The following ORMDL3 variants were observed in gnomAD, a reference collection of about 807,000 sequenced individuals.
The protein encoded by ORMDL3 is ORMDL sphingolipid biosynthesis regulator 3.
A neutral mutation model predicts 12.6 loss-of-function variants in ORMDL3; 6 were observed. That is an observed-to-expected ratio of 0.48 (90% CI 0.26 to 0.94). The LOEUF (loss-of-function observed/expected upper bound fraction) is 0.94, where lower values mean the gene tolerates loss of function less well. Among genes scored for constraint, ORMDL3 ranks in the 40% least tolerant of loss-of-function variants. The probability of loss-of-function intolerance (pLI) is 0.14; values close to 1 mark genes in which losing one functional copy is unlikely to be tolerated. For synonymous variants in ORMDL3, 99 were observed against 87.2 expected (o/e 1.14, Z -0.75); for missense variants, 159 against 205.5 (o/e 0.77, Z 1.38).
At chr17:39,927,399 A>G in intron 1 of ORMDL3, 85 bp downstream of exon 1, 1 of 952,408 alleles carries the variant, frequency 1.0e-6, no homozygotes, top group Non-Finnish European at 1.2e-6. Context: ...CCGTCTCTCC[A>G]GCCCGGGGCG....
At position 39,921,455 on chromosome 17, in the gene ORMDL3, C is replaced by T. The variant is rs1978295036; in HGVS notation, c.*1095G>A. 1 of 152,428 alleles carries T rather than the reference C, an allele frequency of 6.6e-6. No homozygotes were observed. The highest frequency in any genetic ancestry group is 1.5e-5 in the Non-Finnish European group (1 of 68,128). The allele number at this position is 152,428 out of a possible 1,614,324, so 9.4% of individuals were successfully genotyped here. ...CACATGGGGTGGCCTCACAACGCCA[C>T]ATGTGGCTGCCACATGAGAGGCCCT... is the stretch of plus-strand genomic sequence containing the variant. On this transcript the variant is annotated 3_prime_UTR_variant, in exon 4 of 4. Coordinates refer to ENST00000304046, the MANE Select transcript of ORMDL3 (RefSeq NM_139280.4).
intron 2 of ORMDL3, 47 bp from the exon 3 acceptor site, chr17:39,923,310 C>T (rs1190329351): frequency 6.3e-7 from 1 of 1,596,048 alleles, no homozygotes; most frequent in Non-Finnish European, 8.6e-7. Flanking sequence ...GAAAGGCCCC[C>T]CTGCCCAGCT....
At chr17:39,926,894 CA>C in intron 1 of ORMDL3, 1 of 986,290 alleles carries the variant, frequency 1.0e-6, no homozygotes, top group Non-Finnish European at 1.2e-6. Context: ...GGCAGCACGT[CA>C]CAATGCCATG....
chr17:39,922,744 T>C, intron 3 of ORMDL3, 59 bp from the exon 4 acceptor site: 39 of 1,565,722 alleles, frequency 2.5e-5, no homozygotes, highest in Non-Finnish European at 3.3e-5. Context: ...CCTTCCTCCC[T>C]CACTTCCTGG....
chr17:39,924,913 G>T (rs1485306015), intron 1 of ORMDL3: 3 of 152,292 alleles, frequency 2.0e-5, no homozygotes, highest in Non-Finnish European at 4.4e-5. Context: ...CCCCTCCTGG[G>T]TGACACAAAA....
intron 1 of ORMDL3, chr17:39,926,962 G>C: frequency 1.0e-6 from 1 of 985,712 alleles, no homozygotes; most frequent in Non-Finnish European, 1.2e-6. Flanking sequence ...CTCAACTTTG[G>C]CCCAGCCACC....
intron 2 of ORMDL3, 128 bp downstream of exon 2, chr17:39,923,902 G>T: frequency 1.0e-6 from 1 of 961,034 alleles, no homozygotes; most frequent in Non-Finnish European, 1.5e-6. Flanking sequence ...TCTGGAGGCA[G>T]ATGTCGTCAG....
Position 39,922,512 on chromosome 17 carries a change from C to T in ORMDL3, c.*38G>A, listed in dbSNP as rs776362559. On this transcript the variant is annotated 3_prime_UTR_variant, in exon 4 of 4. Coordinates refer to ENST00000304046, the MANE Select transcript of ORMDL3 (RefSeq NM_139280.4). ...GCAGCACATGCCTTTTACCCTACCC[C>T]TCCCCTGCCACCCTGGGCAGGGGAA... 84 of 1,596,742 alleles carry T rather than the reference C, an allele frequency of 5.3e-5. 1 individual carries two copies. Among genetic ancestry groups the T allele is most frequent in the South Asian group, 6.7e-5 (6 of 89,092 alleles).
In ORMDL3 at chr17:39,924,190, G is replaced by A; in HGVS notation, c.14C>T (p.Thr5Ile). 6.2e-7 allele frequency: 1 copy of A among 1,608,494 alleles called. No individual in the cohort carries two copies. Residue 5 changes from threonine to isoleucine, a missense_variant, in exon 2 of 4, where the codon ACA becomes ATA. Coordinates refer to ENST00000304046, the MANE Select transcript of ORMDL3 (RefSeq NM_139280.4). ...GTTGGGGTTCACCTCGCTGTGCGCT[G>A]TGCCCACATTCATCCTGCTGCCCCT... MNVG[T>I]AHSEVNPNTR...
intron 1 of ORMDL3, chr17:39,926,685 T>G: frequency 1.4e-6 from 1 of 716,966 alleles, no homozygotes; most frequent in Non-Finnish European, 1.7e-6. Context: ...CCCTCTTGGC[T>G]CCACATACAA....
chr17:39,927,597 G>C lies in ORMDL3; in HGVS notation c.-136C>G, dbSNP rs914798657. 3 of 985,786 alleles carry C rather than the reference G, an allele frequency of 3.0e-6. No individual in the cohort carries two copies. The highest frequency in any genetic ancestry group is 1.2e-4 in the Admixed American group (2 of 16,284). 61.1% of individuals were successfully genotyped at this position (985,786 alleles called of 1,614,324 possible). Reference sequence around the variant, plus strand: ...AGCCTCCCCGCTGGCAGCTCCGGCCGAATCAGCGCTCCGCGCCGGTCCCCG... The same window carrying C: ...AGCCTCCCCGCTGGCAGCTCCGGCCCAATCAGCGCTCCGCGCCGGTCCCCG... On this transcript the variant is annotated 5_prime_UTR_variant, in exon 1 of 4. Transcript: ENST00000304046.
chr17:39,924,919 C>T (rs925423626), intron 1 of ORMDL3: 1 of 152,156 alleles, frequency 6.6e-6, no homozygotes, highest in African/African-American at 2.4e-5. Context: ...CTGGGTGACA[C>T]AAAACAACCC....
At chr17:39,923,831 G>A (rs1978318290) in intron 2 of ORMDL3, among the ~76,000 whole-genome samples, 199 bp downstream of exon 2, 1 of 151,992 alleles carries the variant, frequency 6.6e-6, no homozygotes, top group Admixed American at 6.5e-5. Context: ...TCCTGTCATG[G>A]TACACAGGGC....
rs371773587 is a variant in ORMDL3, at chr17:39,922,541, G to A, written c.*9C>T. ...CCTGCCACCCTGGGCAGGGGAAGGG[G>A]CTGCACTCTCAGTACTTATTGATTC... On this transcript the variant is annotated 3_prime_UTR_variant, in exon 4 of 4. Transcript: ENST00000304046. 6.2e-6 allele frequency: 10 copies of A among 1,613,276 alleles called. No individual in the cohort carries two copies. The East Asian group carries it at 1.1e-4, about 18-fold the overall frequency.
chr17:39,922,521 C>T lies in ORMDL3; in HGVS notation c.*29G>A, dbSNP rs1327210025. 2 of 1,604,950 alleles carry T rather than the reference C, an allele frequency of 1.2e-6. No homozygotes were observed. Among genetic ancestry groups the T allele is most frequent in the Non-Finnish European group, 1.7e-6 (2 of 1,176,516 alleles). On this transcript the variant is annotated 3_prime_UTR_variant, in exon 4 of 4. Transcript: ENST00000304046. ...GCCTTTTACCCTACCCCTCCCCTGCCACCCTGGGCAGGGGAAGGGGCTGCA... is the reference window on the plus strand; with the variant it reads ...GCCTTTTACCCTACCCCTCCCCTGCTACCCTGGGCAGGGGAAGGGGCTGCA...
At chr17:39,923,430 GAGA>G (rs1229711623) in intron 2 of ORMDL3, among the ~76,000 whole-genome samples, 167 bp from the exon 3 acceptor site, 1 of 152,116 alleles carries the variant, frequency 6.6e-6, no homozygotes, top group East Asian at 1.9e-4. Context: ...AGTATGGCAG[GAGA>G]AGAACAAGGG....
intron 1 of ORMDL3, chr17:39,926,718 C>A (rs1978446709): frequency 2.2e-6 from 2 of 910,468 alleles, no homozygotes; most frequent in Non-Finnish European, 1.3e-6. Context: ...AGCCAGTATG[C>A]CAGACACTCA....
intron 2 of ORMDL3, 46 bp downstream of exon 2, chr17:39,923,984 A>T: frequency 6.5e-7 from 1 of 1,530,870 alleles, no homozygotes; most frequent in Non-Finnish European, 8.8e-7. Context: ...AGGGCAGCCC[A>T]CAGGGCAGGG....
At position 39,924,163 on chromosome 17, in the gene ORMDL3, G is replaced by T. The variant is rs767336401; in HGVS notation, c.41C>A (p.Thr14Lys). The T allele has an allele frequency of 2.5e-6, 4 of 1,613,664 alleles. No homozygotes were observed. The South Asian group carries it at 4.4e-5, about 18-fold the overall frequency. Reference sequence around the variant, plus strand: ...GATGCCACGGCTGTTCATCACCCGCGTGTTGGGGTTCACCTCGCTGTGCGC... The same window carrying T: ...GATGCCACGGCTGTTCATCACCCGCTTGTTGGGGTTCACCTCGCTGTGCGC... ...GTAHSEVNPN[T>K]RVMNSRGIWL... Residue 14 changes from threonine to lysine, a missense_variant, in exon 2 of 4, where the codon ACG becomes AAG. Physicochemically the swap from Thr to Lys is moderately conservative, Grantham distance 78. Coordinates refer to ENST00000304046, the MANE Select transcript of ORMDL3 (RefSeq NM_139280.4).
Sources: allele counts gnomAD v4.1 joint callset (sites outside exome capture counted in the v4.1 genomes callset), GRCh38; gene constraint gnomAD v4.1.1; transcripts MANE v1.5; gene names NCBI Gene and HGNC (gene_info 2026-07-23, HGNC 2026-07-21).